The following SEMA6D variants were observed in gnomAD, a reference collection of about 807,000 sequenced individuals.
The protein encoded by SEMA6D is semaphorin-6D.
SEMA6D carries 35 observed loss-of-function variants against 106.6 expected under a neutral mutation model. The observed-to-expected ratio is 0.33, with a 90% confidence interval of 0.25 to 0.44. The LOEUF (loss-of-function observed/expected upper bound fraction) is 0.44, where lower values mean the gene tolerates loss of function less well. Ranked by LOEUF, SEMA6D falls within the 20% of genes least tolerant of loss-of-function variation. SEMA6D has a pLI of 1.00. For synonymous variants in SEMA6D, 499 were observed against 487.7 expected, an observed-to-expected ratio of 1.02 and a Z score of -0.31; for missense variants, 1,185 against 1,345.9, an observed-to-expected ratio of 0.88 and a Z score of 1.87.
intron 2 of SEMA6D, among the ~76,000 whole-genome samples, chr15:47,443,785 C>T (rs1257582333): frequency 1.3e-5 from 2 of 152,066 alleles, no homozygotes; most frequent in Non-Finnish European, 2.9e-5. Flanking sequence ...ACTTCAGAAG[C>T]CCCTTGGCTT....
intron 1 of SEMA6D, among the ~76,000 whole-genome samples, chr15:47,339,767 G>A (rs557180908): frequency 6.6e-6 from 1 of 152,200 alleles, no homozygotes; most frequent in South Asian, 2.1e-4. Context: ...GCTGAGGTGG[G>A]AGAATCATTT....
intron 3 of SEMA6D, among the ~76,000 whole-genome samples, chr15:47,548,738 T>A (rs2045597651): frequency 6.6e-6 from 1 of 152,112 alleles, no homozygotes; most frequent in Admixed American, 6.6e-5. Flanking sequence ...TATACACACA[T>A]ACACATGTAC....
chr15:47,734,316 A>G (rs1198416596), intron 1 of SEMA6D, among the ~76,000 whole-genome samples: 1 of 152,204 alleles, frequency 6.6e-6, no homozygotes, highest in Non-Finnish European at 1.5e-5. Flanking sequence ...CCTTCAAAGC[A>G]TCAAAGTCCA....
intron 13 of SEMA6D, chr15:47,765,465 G>T (rs2147836287): frequency 3.1e-6 from 3 of 964,324 alleles, no homozygotes; most frequent in African/African-American, 1.8e-5. Flanking sequence ...ATAAGTAAGA[G>T]AATATTTAGA....
chr15:47,285,766 A>G (rs1228764460), intron 1 of SEMA6D, among the ~76,000 whole-genome samples: 1 of 152,176 alleles, frequency 6.6e-6, no homozygotes, highest in Non-Finnish European at 1.5e-5. Flanking sequence ...AAGCATCCCT[A>G]AGTTTGCAAA....
At chr15:47,744,225 C>A (rs2080985068) in intron 1 of SEMA6D, among the ~76,000 whole-genome samples, 1 of 152,132 alleles carries the variant, frequency 6.6e-6, no homozygotes, top group African/African-American at 2.4e-5. Flanking sequence ...AGTAGATAGA[C>A]ATATTTGCTT....
intron 1 of SEMA6D, among the ~76,000 whole-genome samples, chr15:47,360,688 C>T (rs973610192): frequency 3.9e-5 from 6 of 152,182 alleles, no homozygotes; most frequent in Non-Finnish European, 7.4e-5. Flanking sequence ...AGGAGGTGTC[C>T]ATTCTCCTCA....
intron 3 of SEMA6D, among the ~76,000 whole-genome samples, chr15:47,533,236 AAAAG>A (rs1302396274): frequency 6.6e-6 from 1 of 152,186 alleles, no homozygotes; most frequent in Non-Finnish European, 1.5e-5. Flanking sequence ...AAAATTTTCA[AAAAG>A]AAAGCATGAA....
intron 1 of SEMA6D, among the ~76,000 whole-genome samples, chr15:47,210,141 C>T (rs1398744425): frequency 6.6e-6 from 1 of 152,120 alleles, no homozygotes; most frequent in Non-Finnish European, 1.5e-5. Context: ...GATTAAATCC[C>T]ATACCATTTT....
At chr15:47,654,266 A>G (rs2077749542) in intron 4 of SEMA6D, among the ~76,000 whole-genome samples, 1 of 152,042 alleles carries the variant, frequency 6.6e-6, no homozygotes, top group Admixed American at 6.6e-5. Context: ...AGGTCTGCCA[A>G]CTCCCTGGTG....
At chr15:47,522,990 T>C (rs1283870572) in intron 3 of SEMA6D, among the ~76,000 whole-genome samples, 1 of 152,082 alleles carries the variant, frequency 6.6e-6, no homozygotes, top group Non-Finnish European at 1.5e-5. Flanking sequence ...TAGAATATTG[T>C]CAAAAGGACC....
chr15:47,654,290 A>C (rs1301340766), intron 4 of SEMA6D, among the ~76,000 whole-genome samples: 1 of 152,224 alleles, frequency 6.6e-6, no homozygotes, highest in East Asian at 1.9e-4. Flanking sequence ...TCAAAAATCC[A>C]TGTATAACTT....
intron 7 of SEMA6D, 42 bp downstream of exon 7, chr15:47,761,793 T>C (rs1380175583): frequency 5.4e-6 from 8 of 1,482,368 alleles, no homozygotes; most frequent in African/African-American, 1.4e-5. Context: ...ATTAATGACA[T>C]TGAAGGTGAA....
intron 1 of SEMA6D, among the ~76,000 whole-genome samples, chr15:47,254,875 T>G (rs868486936): frequency 7.4e-6 from 1 of 134,308 alleles, no homozygotes; most frequent in Admixed American, 7.5e-5. Flanking sequence ...ACCTGTGGTT[T>G]TGTGTGTGTG....
intron 4 of SEMA6D, among the ~76,000 whole-genome samples, chr15:47,634,894 T>C (rs949261875): frequency 1.3e-5 from 2 of 152,200 alleles, no homozygotes; most frequent in Non-Finnish European, 2.9e-5. Context: ...AGGTTTTTCC[T>C]GCATGTCTGA....
intron 1 of SEMA6D, among the ~76,000 whole-genome samples, chr15:47,412,140 T>C (rs548165102): frequency 5.3e-5 from 8 of 152,168 alleles, no homozygotes; most frequent in African/African-American, 1.9e-4. Flanking sequence ...GTCCTGCTTG[T>C]ATTCATGAAT....
At chr15:47,622,011 G>A (rs541627464) in intron 4 of SEMA6D, among the ~76,000 whole-genome samples, 5 of 152,200 alleles carry the variant, frequency 3.3e-5, no homozygotes, top group South Asian at 4.2e-4. Flanking sequence ...GGAGGGTTCC[G>A]TTCATGAGGA....
intron 4 of SEMA6D, chr15:47,606,443 A>C (rs1225899920): frequency 6.6e-6 from 1 of 152,190 alleles, no homozygotes; most frequent in Non-Finnish European, 1.5e-5. Flanking sequence ...ACTATGGACA[A>C]AGATAGAATG....
chr15:47,704,326 C>A (rs1238370658), intron 4 of SEMA6D, among the ~76,000 whole-genome samples: 1 of 151,996 alleles, frequency 6.6e-6, no homozygotes. Flanking sequence ...TTAATATATA[C>A]CATCACTTTA....
Sources: allele counts gnomAD v4.1 joint callset (sites outside exome capture counted in the v4.1 genomes callset), GRCh38; gene constraint gnomAD v4.1.1; transcripts MANE v1.5; gene names NCBI Gene and HGNC (gene_info 2026-07-23, HGNC 2026-07-21).